The following GRM7 variants were observed in gnomAD, a reference collection of about 807,000 sequenced individuals.
GRM7 encodes the protein glutamate metabotropic receptor 7, also known as metabotropic glutamate receptor 7.
A neutral mutation model predicts 84.5 loss-of-function variants in GRM7; 35 were observed. That is an observed-to-expected ratio of 0.41 (90% CI 0.32 to 0.55). The LOEUF (loss-of-function observed/expected upper bound fraction) is 0.55, where lower values mean the gene tolerates loss of function less well. GRM7 is among the 20% of genes least tolerant of loss of function. The pLI, the probability that GRM7 is intolerant of heterozygous loss-of-function variation, is 0.19. For missense variants in GRM7, 1,003 were observed against 1,194.6 expected (o/e 0.84, Z 2.36); for synonymous variants, 487 against 455.1 (o/e 1.07, Z -0.89).
chr3:7,484,464 T>C (rs529551991), intron 7 of GRM7, among the ~76,000 whole-genome samples: 1 of 152,294 alleles, frequency 6.6e-6, no homozygotes, highest in South Asian at 2.1e-4. Context: ...TCAATACCCA[T>C]AAAGTGTGAG....
chr3:7,673,517 T>TA (rs35955518), intron 8 of GRM7, among the ~76,000 whole-genome samples: 105,112 of 141,460 alleles, frequency 0.74, 39,265 homozygotes, highest in Non-Finnish European at 0.81. Flanking sequence ...CAGTGACAGT[T>TA]AAAAAAAAAA....
At chr3:6,974,441 G>T (rs577848485) in intron 1 of GRM7, among the ~76,000 whole-genome samples, 1 of 152,182 alleles carries the variant, frequency 6.6e-6, no homozygotes. Flanking sequence ...TTGAGATGTT[G>T]TTGAGATTAT....
intron 2 of GRM7, among the ~76,000 whole-genome samples, chr3:7,192,522 T>C (rs1695742544): frequency 6.6e-6 from 1 of 152,134 alleles, no homozygotes; most frequent in African/African-American, 2.4e-5. Flanking sequence ...GCTGTTCTTA[T>C]ACTTTAAAAA....
chr3:7,313,997 C>A (rs1197633553), intron 4 of GRM7, among the ~76,000 whole-genome samples: 2 of 151,744 alleles, frequency 1.3e-5, no homozygotes, highest in African/African-American at 4.8e-5. Context: ...ATATTGATAT[C>A]CTGAATTTTA....
chr3:7,607,471 T>C (rs2125076130), intron 8 of GRM7: 1 of 152,216 alleles, frequency 6.6e-6, no homozygotes, highest in South Asian at 2.1e-4. Flanking sequence ...AAGCAAAAAA[T>C]ACTGATTACT....
intron 7 of GRM7, among the ~76,000 whole-genome samples, chr3:7,530,591 T>G (rs1700999370): frequency 6.6e-6 from 1 of 152,066 alleles, no homozygotes; most frequent in African/African-American, 2.4e-5. Context: ...TTCTCCACAT[T>G]CTCTCCAGCA....
chr3:7,541,907 G>C (rs1168902587), intron 7 of GRM7, among the ~76,000 whole-genome samples: 2 of 152,160 alleles, frequency 1.3e-5, no homozygotes, highest in South Asian at 4.1e-4. Context: ...TACTCTATCA[G>C]AAACTCACGG....
chr3:7,455,949 T>C (rs897971653), intron 6 of GRM7, among the ~76,000 whole-genome samples: 4 of 152,148 alleles, frequency 2.6e-5, no homozygotes, highest in Non-Finnish European at 4.4e-5. Flanking sequence ...AGTATCTGAA[T>C]GAAGAGGCAC....
At chr3:7,129,331 A>G (rs544197125) in intron 1 of GRM7, among the ~76,000 whole-genome samples, 5 of 152,226 alleles carry the variant, frequency 3.3e-5, no homozygotes, top group Non-Finnish European at 5.9e-5. Context: ...CAAGTTCTCT[A>G]GCCTAAAGCT....
At chr3:7,091,573 A>G (rs1285941863) in intron 1 of GRM7, among the ~76,000 whole-genome samples, 1 of 151,802 alleles carries the variant, frequency 6.6e-6, no homozygotes, top group African/African-American at 2.4e-5. Context: ...ACTCCCTTCC[A>G]GAGTCCCATT....
chr3:7,358,945 C>A (rs1693532419), intron 4 of GRM7, among the ~76,000 whole-genome samples: 1 of 145,102 alleles, frequency 6.9e-6, no homozygotes. Context: ...TGGTGAAACC[C>A]TGTCTCTACT....
chr3:7,396,578 A>T (rs1213411647), intron 4 of GRM7, among the ~76,000 whole-genome samples: 1 of 152,096 alleles, frequency 6.6e-6, no homozygotes, highest in Non-Finnish European at 1.5e-5. Context: ...AAGCTTTGGG[A>T]TGTGCATGAA....
chr3:7,695,428 CATTTT>C (rs1173912058), intron 9 of GRM7, among the ~76,000 whole-genome samples: 1 of 152,114 alleles, frequency 6.6e-6, no homozygotes, highest in East Asian at 1.9e-4. Context: ...AGGAAGTCTA[CATTTT>C]TTTTTAGCCC....
In GRM7 at chr3:7,358,434, A is replaced by G. The variant is rs894383971; in HGVS notation, c.1033+51782A>G. On this transcript the variant is annotated intron_variant, in intron 4 of 9. Transcript: ENST00000357716. ...ACAAAATTAAACGGTCATGTGAACC[A>G]GAATTTCCTAATAATATTTCATGGA... Among the ~76,000 whole-genome samples the G allele has an allele frequency of 3.3e-5, 5 of 149,742 alleles. No individual in the cohort carries two copies. The South Asian group carries it at 1.0e-3, about 31-fold the overall frequency.
chr3:7,448,084 A>G (rs1385723534), intron 5 of GRM7, among the ~76,000 whole-genome samples: 1 of 151,560 alleles, frequency 6.6e-6, no homozygotes, highest in Non-Finnish European at 1.5e-5. Flanking sequence ...TGAACTCATC[A>G]TTTTTTATGG....
intron 4 of GRM7, among the ~76,000 whole-genome samples, chr3:7,397,784 A>G (rs1225245661): frequency 1.3e-5 from 2 of 152,128 alleles, no homozygotes; most frequent in African/African-American, 2.4e-5. Flanking sequence ...GTATGAAGAT[A>G]CTTTTCATTG....
intron 4 of GRM7, among the ~76,000 whole-genome samples, chr3:7,309,748 C>T (rs1264395955): frequency 2.0e-5 from 3 of 152,076 alleles, no homozygotes; most frequent in Non-Finnish European, 2.9e-5. Context: ...AAAAAGGGAA[C>T]TTTAGTGTTT....
intron 7 of GRM7, among the ~76,000 whole-genome samples, chr3:7,521,075 T>C (rs1700574927): frequency 1.3e-5 from 2 of 152,198 alleles, no homozygotes; most frequent in African/African-American, 4.8e-5. Context: ...ATTGTTCAGC[T>C]GCAGTGCATA....
At chr3:7,334,682 G>T (rs564564707) in intron 4 of GRM7, among the ~76,000 whole-genome samples, 152 of 152,100 alleles carry the variant, frequency 1.0e-3, no homozygotes, top group African/African-American at 3.5e-3. Context: ...GACTCATCTA[G>T]CACATAAGGA....
Sources: allele counts gnomAD v4.1 joint callset (sites outside exome capture counted in the v4.1 genomes callset), GRCh38; gene constraint gnomAD v4.1.1; transcripts MANE v1.5; gene names NCBI Gene and HGNC (gene_info 2026-07-23, HGNC 2026-07-21).